The following STAT4 variants were observed in gnomAD, a reference collection of about 807,000 sequenced individuals.
STAT4 encodes signal transducer and activator of transcription 4.
STAT4 carries 42 observed loss-of-function variants against 110.5 expected under a neutral mutation model. The observed-to-expected ratio is 0.38, with a 90% CI of 0.30 to 0.49. The LOEUF (loss-of-function observed/expected upper bound fraction) is 0.49. Among genes scored for constraint, STAT4 ranks in the 20% least tolerant of loss-of-function variants. The pLI is 0.95. For missense variants in STAT4, 632 were observed against 887.9 expected, an observed-to-expected ratio of 0.71 and a Z score of 3.66; for synonymous variants, 284 against 302.2, an observed-to-expected ratio of 0.94 and a Z score of 0.63.
rs1047510852 is a variant in STAT4 at position 191,043,026 on chromosome 2, G to C, written c.1252-1878C>G. On this transcript the variant is annotated intron_variant, in intron 14 of 23. Transcript: ENST00000392320. This position sits in a 1 kb window ranked among gnomAD's most constrained non-coding sequence, Gnocchi z 4.8. ...ACTCCCGACCTCAGGTGATCCACCC[G>C]CCTTGGCCTCCCAAAGTGCTGGGAT... is the stretch of plus-strand genomic sequence containing the variant. Among the ~76,000 whole-genome samples, 1 of 152,106 alleles carries C rather than the reference G, an allele frequency of 6.6e-6. No individual in the cohort carries two copies.
rs1697503348 is a variant in STAT4 at position 191,082,200 on chromosome 2, T to C, written c.274-5875A>G. ...GAGCATCTTCCTTTCTTACATCCTA[T>C]AAAGGATTTTATTGTTGCTTTCCAA... On this transcript the variant is annotated intron_variant, in intron 3 of 23. Transcript: ENST00000392320. The surrounding 1 kb of genome is among the most constrained non-coding windows in gnomAD (Gnocchi z 4.7). Among the ~76,000 whole-genome samples, 1 of 152,200 alleles carries C rather than the reference T, an allele frequency of 6.6e-6. No individual in the cohort carries two copies. The highest frequency in any genetic ancestry group is 1.5e-5 in the Non-Finnish European group (1 of 68,046).
Position 191,058,374 on chromosome 2 carries a change from T to C in STAT4, c.1095-155A>G, listed in dbSNP as rs745480021. Among the ~76,000 whole-genome samples, 3 of 152,188 alleles carry C rather than the reference T, an allele frequency of 2.0e-5. No homozygotes were observed. The highest frequency in any genetic ancestry group is 2.0e-4 in the Admixed American group (3 of 15,280). On this transcript the variant is annotated intron_variant, in intron 11 of 23. Coordinates refer to ENST00000392320, the MANE Select transcript of STAT4 (RefSeq NM_003151.4). The surrounding 1 kb of genome is among the most constrained non-coding windows in gnomAD (Gnocchi z 4.3). ...GTGCAGTGGTGCAATCTTGGCTCAC[T>C]ACAACCTCTGCCCCCTGGGTTCAAG... is the stretch of plus-strand genomic sequence containing the variant.
rs1696481104 is a variant in STAT4, at chr2:191,050,220, A to G, written c.1251+4270T>C. 6.6e-6 allele frequency among the ~76,000 whole-genome samples: 1 copy of G among 152,196 alleles called. No individual in the cohort carries two copies. The highest frequency in any genetic ancestry group is 1.5e-5 in the Non-Finnish European group (1 of 68,034). Reference sequence around the variant, plus strand: ...ATTCAAACAGTTTTCACATTTCAATAATCACTCTCTAGCTGGCTCCCTGCT... The same window carrying G: ...ATTCAAACAGTTTTCACATTTCAATGATCACTCTCTAGCTGGCTCCCTGCT... On this transcript the variant is annotated intron_variant, in intron 14 of 23. Transcript: ENST00000392320. The surrounding 1 kb of genome is among the most constrained non-coding windows in gnomAD (Gnocchi z 4.3).
rs952921757 is a variant in STAT4 at position 191,135,257 on chromosome 2, G to A, written c.273+11356C>T. On this transcript the variant is annotated intron_variant, in intron 3 of 23. Coordinates refer to ENST00000392320, the MANE Select transcript of STAT4 (RefSeq NM_003151.4). This position sits in a 1 kb window ranked among gnomAD's most constrained non-coding sequence, Gnocchi z 4.8. ...ATCACGAAAATATAAAAGATCATCA[G>A]AGACAATTATGAAAAATACACTAAC... Among the ~76,000 whole-genome samples, 2 of 152,090 alleles carry A rather than the reference G, an allele frequency of 1.3e-5. No individual in the cohort carries two copies. Among genetic ancestry groups the A allele is most frequent in the East Asian group, 1.9e-4 (1 of 5,188 alleles).
At chr2:191,055,450 A>G (rs1053982001) in intron 13 of STAT4, among the ~76,000 whole-genome samples, 2 of 141,382 alleles carry the variant, frequency 1.4e-5, no homozygotes, top group Admixed American at 1.5e-4. Context: ...CGATCTCCTG[A>G]CTTCGTGATC....
intron 18 of STAT4, among the ~76,000 whole-genome samples, chr2:191,034,287 G>A (rs922252997): frequency 3.3e-5 from 5 of 152,142 alleles, no homozygotes; most frequent in East Asian, 1.9e-4. Flanking sequence ...GCCGGGCGTG[G>A]TGGTGGGTGC....
chr2:191,142,205 T>A lies in STAT4; in HGVS notation c.273+4408A>T, dbSNP rs888863358. ...TTGATGGAAGAATGGATAAAGAAAATAAAGAAAATAGATATATATATATAC... is the reference window on the plus strand; with the variant it reads ...TTGATGGAAGAATGGATAAAGAAAAAAAAGAAAATAGATATATATATATAC... On this transcript the variant is annotated intron_variant, in intron 3 of 23. Transcript: ENST00000392320. This position sits in a 1 kb window ranked among gnomAD's most constrained non-coding sequence, Gnocchi z 4.1. Among the ~76,000 whole-genome samples, 1 of 149,594 alleles carries A rather than the reference T, an allele frequency of 6.7e-6. No homozygotes were observed. The highest frequency in any genetic ancestry group is 1.5e-5 in the Non-Finnish European group (1 of 67,592).
At chr2:191,145,733 T>C (rs1012916873) in intron 3 of STAT4, among the ~76,000 whole-genome samples, 2 of 152,206 alleles carry the variant, frequency 1.3e-5, no homozygotes, top group Non-Finnish European at 2.9e-5. Context: ...ATGTGTTAAT[T>C]GTAGGTTTTG....
rs1432927895 is a variant in STAT4, at chr2:191,061,299, T to G, written c.1034+430A>C. ...TTTCCTGGATAGGATATTCAAAGCC[T>G]TCCAGAATCTGTCCCCAATCTGTCC... On this transcript the variant is annotated intron_variant, in intron 10 of 23. Transcript: ENST00000392320. The surrounding 1 kb of genome is among the most constrained non-coding windows in gnomAD (Gnocchi z 6.2). 6.6e-6 allele frequency among the ~76,000 whole-genome samples: 1 copy of G among 152,132 alleles called. No homozygotes were observed. The highest frequency in any genetic ancestry group is 1.5e-5 in the Non-Finnish European group (1 of 68,024).
intron 3 of STAT4, among the ~76,000 whole-genome samples, chr2:191,105,698 A>G (rs1465621431): frequency 1.3e-5 from 2 of 152,218 alleles, no homozygotes. Flanking sequence ...TAAAGTTTGT[A>G]TTCCGTAGTT....
chr2:191,079,956 A>C (rs1464528804), intron 3 of STAT4, among the ~76,000 whole-genome samples: 1 of 152,064 alleles, frequency 6.6e-6, no homozygotes, highest in Non-Finnish European at 1.5e-5. Context: ...CATGTTTGTT[A>C]ATTGTTTTGT....
At chr2:191,092,937 C>T (rs1166843644) in intron 3 of STAT4, among the ~76,000 whole-genome samples, 1 of 152,198 alleles carries the variant, frequency 6.6e-6, no homozygotes, top group Non-Finnish European at 1.5e-5. Flanking sequence ...TGGAGCCTTG[C>T]TCACTGCTAG....
chr2:191,146,720 G>C lies in STAT4; in HGVS notation c.166C>G (p.Leu56Val). ...AGTTGTATTAACAAGTTTTGAAGAA[G>C]AATCGTTGCCATGGTTTCATTGTTA... ...ASNNETMATI[L>V]LQNLLIQLDE... Residue 56 changes from leucine (L) to valine (V), a missense_variant, in exon 3 of 24, where the codon CTT becomes GTT. By Grantham distance (32) the Leu-to-Val change is conservative (BLOSUM62 1). Coordinates refer to ENST00000392320, the MANE Select transcript of STAT4 (RefSeq NM_003151.4). The surrounding 1 kb of genome is among the most constrained non-coding windows in gnomAD (Gnocchi z 4.5). 1.3e-6 allele frequency: 2 copies of C among 1,570,704 alleles called. No individual in the cohort carries two copies. Among genetic ancestry groups the C allele is most frequent in the Non-Finnish European group, 1.7e-6 (2 of 1,160,216 alleles).
intron 3 of STAT4, among the ~76,000 whole-genome samples, chr2:191,111,406 T>C (rs1698417153): frequency 2.0e-5 from 3 of 152,222 alleles, no homozygotes. Flanking sequence ...TTTCGGAGTA[T>C]AACTTTTTTT....
intron 3 of STAT4, among the ~76,000 whole-genome samples, chr2:191,103,634 A>C (rs376195221): frequency 6.4e-4 from 97 of 152,276 alleles, no homozygotes; most frequent in African/African-American, 2.2e-3. Context: ...ATTTTTAAAA[A>C]ATGGTAGTCA....
intron 6 of STAT4, chr2:191,068,263 T>C (rs1282493969): frequency 6.6e-6 from 1 of 152,168 alleles, no homozygotes; most frequent in East Asian, 1.9e-4. Flanking sequence ...TTAAAATTAG[T>C]AGTTTGCATA....
intron 4 of STAT4, among the ~76,000 whole-genome samples, chr2:191,073,425 G>A (rs999399910): frequency 4.6e-5 from 7 of 152,192 alleles, no homozygotes; most frequent in Non-Finnish European, 8.8e-5. Context: ...AGTGGCTCAC[G>A]CCTATAATCC....
At chr2:191,101,926 TTTA>T (rs1175953730) in intron 3 of STAT4, among the ~76,000 whole-genome samples, 4 of 152,126 alleles carry the variant, frequency 2.6e-5, no homozygotes, top group Non-Finnish European at 5.9e-5. Context: ...TCATTTCTAT[TTTA>T]TTATTATGTC....
intron 3 of STAT4, among the ~76,000 whole-genome samples, chr2:191,114,037 C>T (rs1356875734): frequency 6.6e-6 from 1 of 152,144 alleles, no homozygotes; most frequent in Non-Finnish European, 1.5e-5. Context: ...ATACAGGAAG[C>T]TGCTGTTATA....
Sources: allele counts gnomAD v4.1 joint callset (sites outside exome capture counted in the v4.1 genomes callset), GRCh38; gene constraint gnomAD v4.1.1; non-coding constraint Gnocchi (gnomAD v3.1); transcripts MANE v1.5; gene names NCBI Gene and HGNC (gene_info 2026-07-23, HGNC 2026-07-21).